The following MCTP1 variants were observed in gnomAD, a reference collection of about 807,000 sequenced individuals.
MCTP1 encodes multiple C2 and transmembrane domain containing 1.
In MCTP1, 69 loss-of-function variants were observed where a neutral mutation model predicts 120.6. The ratio of observed to expected loss-of-function variants is 0.57; its 90% CI spans 0.47 to 0.70. The LOEUF is 0.70. MCTP1 is among the 30% of genes least tolerant of loss of function. The probability of loss-of-function intolerance (pLI) is 0.00; values close to 1 mark genes in which losing one functional copy is unlikely to be tolerated. For synonymous variants in MCTP1, 529 were observed against 493.1 expected, an observed-to-expected ratio of 1.07 and a Z score of -0.96; for missense variants, 1,203 against 1,248.8, an observed-to-expected ratio of 0.96 and a Z score of 0.55.
chr5:94,710,669 G>A (rs1756581348), intron 21 of MCTP1, 149 bp downstream of exon 21: 4 of 577,558 alleles, frequency 6.9e-6, no homozygotes, highest in Non-Finnish European at 9.2e-6. Context: ...TTATACTGTT[G>A]TGATTTTTAA....
intron 17 of MCTP1, among the ~76,000 whole-genome samples, chr5:94,829,623 T>C (rs1187143882): frequency 3.3e-5 from 5 of 151,488 alleles, no homozygotes; most frequent in Non-Finnish European, 2.9e-5. Flanking sequence ...AGGATGGGAA[T>C]AGAAGGAGAC....
intron 1 of MCTP1, among the ~76,000 whole-genome samples, chr5:95,173,212 A>G (rs1483537140): frequency 6.6e-6 from 1 of 152,234 alleles, no homozygotes; most frequent in African/African-American, 2.4e-5. Context: ...TGAGGCTACA[A>G]GCAATTTCAA....
At chr5:95,204,580 A>C (rs2152557620) in intron 1 of MCTP1, among the ~76,000 whole-genome samples, 1 of 152,294 alleles carries the variant, frequency 6.6e-6, no homozygotes, top group Non-Finnish European at 1.5e-5. Flanking sequence ...GGAAGAAATA[A>C]AGTTATCTCT....
chr5:95,260,414 G>A (rs1244463497), intron 1 of MCTP1, among the ~76,000 whole-genome samples: 4 of 152,114 alleles, frequency 2.6e-5, no homozygotes, highest in African/African-American at 9.7e-5. Context: ...TCTCGTGACT[G>A]GAAATCATGC....
At chr5:95,205,970 G>A (rs1435262466) in intron 1 of MCTP1, among the ~76,000 whole-genome samples, 1 of 152,166 alleles carries the variant, frequency 6.6e-6, no homozygotes, top group Non-Finnish European at 1.5e-5. Context: ...TTGGAAAATA[G>A]TCTGGAAGTT....
intron 1 of MCTP1, among the ~76,000 whole-genome samples, chr5:95,134,992 C>CAAAAAAA (rs70978170): frequency 1.4e-4 from 5 of 35,336 alleles, no homozygotes; most frequent in South Asian, 2.7e-3. Context: ...GCCTGATGGC[C>CAAAAAAA]AAAAAAAAAA....
rs147554776 is a variant in MCTP1 at position 95,040,400 on chromosome 5, C to T, written c.721-22916G>A. 5.9e-4 allele frequency among the ~76,000 whole-genome samples: 89 copies of T among 151,234 alleles called. No homozygotes were observed. In the East Asian group the frequency reaches 0.015, roughly 26 times the overall value. On this transcript the variant is annotated intron_variant, in intron 1 of 22. Coordinates refer to ENST00000515393, the MANE Select transcript of MCTP1 (RefSeq NM_024717.7). ...GTTGCAGCAAGCTGAGATGGTGCTA[C>T]TGCACTCCAGCCTTGGCGACATAGT...
At chr5:95,198,711 A>G (rs1483964114) in intron 1 of MCTP1, among the ~76,000 whole-genome samples, 1 of 152,212 alleles carries the variant, frequency 6.6e-6, no homozygotes, top group Non-Finnish European at 1.5e-5. Context: ...GTCTCCAAGC[A>G]TGGCTGAGAA....
chr5:94,921,424 G>A (rs1811634558), intron 7 of MCTP1, among the ~76,000 whole-genome samples: 1 of 152,120 alleles, frequency 6.6e-6, no homozygotes, highest in African/African-American at 2.4e-5. Flanking sequence ...TAAATCAGTT[G>A]CTATCTCTTG....
chr5:95,204,426 G>C (rs1281408174), intron 1 of MCTP1, among the ~76,000 whole-genome samples: 1 of 152,158 alleles, frequency 6.6e-6, no homozygotes, highest in Non-Finnish European at 1.5e-5. Flanking sequence ...ATACTTAATG[G>C]TGAAGGATGA....
intron 6 of MCTP1, chr5:94,931,742 C>T: frequency 1.8e-6 from 1 of 550,332 alleles, no homozygotes; most frequent in Non-Finnish European, 3.2e-6. Context: ...GAGAAGTGAC[C>T]AGAGAATAGT....
At chr5:95,229,705 C>T (rs1261181674) in intron 1 of MCTP1, among the ~76,000 whole-genome samples, 1 of 151,008 alleles carries the variant, frequency 6.6e-6, no homozygotes, top group African/African-American at 2.4e-5. Context: ...TGCACCACTG[C>T]ACTCCAGCCT....
At chr5:94,880,068 G>T (rs1045766871) in intron 12 of MCTP1, among the ~76,000 whole-genome samples, 1 of 152,084 alleles carries the variant, frequency 6.6e-6, no homozygotes, top group African/African-American at 2.4e-5. Context: ...GAGACTATGG[G>T]ACCTATAAAA....
chr5:95,167,484 A>C lies in MCTP1; in HGVS notation c.720+116372T>G, dbSNP rs1008294859. Among the ~76,000 whole-genome samples the C allele has an allele frequency of 3.3e-5, 5 of 152,220 alleles. No individual in the cohort carries two copies. The South Asian group carries it at 6.2e-4, about 19-fold the overall frequency. On this transcript the variant is annotated intron_variant, in intron 1 of 22. Coordinates refer to ENST00000515393, the MANE Select transcript of MCTP1 (RefSeq NM_024717.7). ...TTCTAGATCCCTGAGGAATCGCCAC[A>C]CTGACTTCCACAATGGTCAAACTAG...
chr5:94,749,641 C>A (rs1181895622), intron 19 of MCTP1, among the ~76,000 whole-genome samples: 1 of 89,244 alleles, frequency 1.1e-5, no homozygotes, highest in Admixed American at 1.9e-4. Context: ...GGTGACAGAG[C>A]AAGACTTCAT....
Position 94,815,604 on chromosome 5 carries a change from C to G in MCTP1, c.2437-16472G>C, listed in dbSNP as rs145904007. The stretch of plus-strand genomic sequence containing the variant: ...CTTTCAGATATGTTTGACCACACTC[C>G]TGTCCAGAAGTGTTCACCACATTTC... On this transcript the variant is annotated intron_variant, in intron 17 of 22. Transcript: ENST00000515393. Among the ~76,000 whole-genome samples, 178 of 152,320 alleles carry G rather than the reference C, an allele frequency of 1.2e-3. 1 individual carries two copies. The highest frequency in any genetic ancestry group is 4.1e-3 in the African/African-American group (171 of 41,572).
At chr5:94,935,404 C>T (rs1316996050) in intron 5 of MCTP1, among the ~76,000 whole-genome samples, 1 of 152,012 alleles carries the variant, frequency 6.6e-6, no homozygotes, top group Non-Finnish European at 1.5e-5. Context: ...GCATAAAAAA[C>T]TCACAAGATG....
At chr5:95,142,323 T>C (rs998406815) in intron 1 of MCTP1, among the ~76,000 whole-genome samples, 1 of 152,184 alleles carries the variant, frequency 6.6e-6, no homozygotes, top group Non-Finnish European at 1.5e-5. Context: ...TTTTTACTAA[T>C]TTGAGCTGTC....
At chr5:94,809,613 A>T (rs992748302) in intron 17 of MCTP1, among the ~76,000 whole-genome samples, 3 of 152,098 alleles carry the variant, frequency 2.0e-5, no homozygotes, top group African/African-American at 7.2e-5. Flanking sequence ...CAGCTTTGTA[A>T]TTCACAGAAG....
Sources: allele counts gnomAD v4.1 joint callset (sites outside exome capture counted in the v4.1 genomes callset), GRCh38; gene constraint gnomAD v4.1.1; transcripts MANE v1.5; gene names NCBI Gene and HGNC (gene_info 2026-07-23, HGNC 2026-07-21).